Variants in NOL4 observed in about 807,000 individuals in gnomAD.
NOL4 encodes cancer/testis antigen 125.
A neutral mutation model predicts 75.9 loss-of-function variants in NOL4; 17 were observed. That is an observed-to-expected ratio of 0.22 (90% confidence interval 0.15 to 0.34). NOL4 has a LOEUF of 0.34. Among genes scored for constraint, NOL4 ranks in the 10% least tolerant of loss-of-function variants. The pLI is 1.00. For missense variants in NOL4, 614 were observed against 793.5 expected, an observed-to-expected ratio of 0.77 and a Z score of 2.72; for synonymous variants, 292 against 289.9, an observed-to-expected ratio of 1.01 and a Z score of -0.07.
intron 6 of NOL4, among the ~76,000 whole-genome samples, chr18:33,970,220 T>C (rs916768788): frequency 1.3e-5 from 2 of 152,228 alleles, no homozygotes; most frequent in African/African-American, 4.8e-5. Context: ...GAGTTCTTAA[T>C]ATATTTATCC....
At chr18:34,036,222 A>T (rs1333054899) in intron 5 of NOL4, among the ~76,000 whole-genome samples, 9 of 152,168 alleles carry the variant, frequency 5.9e-5, no homozygotes, top group Non-Finnish European at 1.3e-4. Flanking sequence ...AAAAATCCCC[A>T]GCAAAATACT....
chr18:34,191,803 C>T (rs74449922), intron 1 of NOL4, among the ~76,000 whole-genome samples: 5 of 152,160 alleles, frequency 3.3e-5, no homozygotes, highest in South Asian at 2.1e-4. Flanking sequence ...AAGCCGACTA[C>T]GCCAGCAGAG....
At chr18:34,047,134 C>T (rs1180356450) in intron 5 of NOL4, among the ~76,000 whole-genome samples, 1 of 152,104 alleles carries the variant, frequency 6.6e-6, no homozygotes, top group Non-Finnish European at 1.5e-5. Flanking sequence ...ACCTGTTCAA[C>T]TCTAGGACCA....
intron 6 of NOL4, among the ~76,000 whole-genome samples, chr18:33,966,507 T>C (rs2070608011): frequency 6.6e-6 from 1 of 152,112 alleles, no homozygotes; most frequent in African/African-American, 2.4e-5. Flanking sequence ...TCAAATCATC[T>C]CTCTTTGCAG....
intron 6 of NOL4, among the ~76,000 whole-genome samples, chr18:33,973,367 C>T (rs1235307872): frequency 6.6e-6 from 1 of 152,146 alleles, no homozygotes; most frequent in African/African-American, 2.4e-5. Context: ...ATGACTTCCT[C>T]TACTGAAGGC....
intron 9 of NOL4, among the ~76,000 whole-genome samples, chr18:33,889,393 A>G (rs2064962948): frequency 6.6e-6 from 1 of 152,058 alleles, no homozygotes; most frequent in South Asian, 2.1e-4. Context: ...CTACCAACCA[A>G]AAAAAGTCCT....
At chr18:33,974,854 G>C (rs1171967913) in intron 6 of NOL4, among the ~76,000 whole-genome samples, 1 of 152,100 alleles carries the variant, frequency 6.6e-6, no homozygotes, top group Non-Finnish European at 1.5e-5. Flanking sequence ...GATCTCAAAA[G>C]ATATTTGCAT....
chr18:34,193,678 T>G (rs755255035), intron 1 of NOL4, among the ~76,000 whole-genome samples: 15 of 151,912 alleles, frequency 9.9e-5, no homozygotes, highest in African/African-American at 2.7e-4. Flanking sequence ...ATATGGAGGA[T>G]CCTCAAAAAA....
intron 4 of NOL4, among the ~76,000 whole-genome samples, chr18:34,094,003 C>T (rs1442145544): frequency 6.6e-6 from 1 of 152,098 alleles, no homozygotes; most frequent in Non-Finnish European, 1.5e-5. Flanking sequence ...GATCAAGCCA[C>T]TGCACTCCAG....
At chr18:34,182,976 T>C (rs1047201199) in intron 1 of NOL4, among the ~76,000 whole-genome samples, 1 of 151,756 alleles carries the variant, frequency 6.6e-6, no homozygotes, top group African/African-American at 2.4e-5. Context: ...TAGAATAATA[T>C]CTGTTTACCC....
chr18:34,092,028 A>G (rs1014237571), intron 5 of NOL4, among the ~76,000 whole-genome samples: 2 of 151,858 alleles, frequency 1.3e-5, no homozygotes, highest in African/African-American at 4.8e-5. Context: ...CATCCTCTAC[A>G]TTCTCTATAC....
intron 5 of NOL4, among the ~76,000 whole-genome samples, chr18:34,031,256 T>C (rs2075626483): frequency 6.6e-6 from 1 of 152,214 alleles, no homozygotes; most frequent in Non-Finnish European, 1.5e-5. Flanking sequence ...CCTACTGCAG[T>C]GCTTCTCAAA....
At chr18:33,917,729 C>T (rs1358030803) in intron 9 of NOL4, among the ~76,000 whole-genome samples, 1 of 151,954 alleles carries the variant, frequency 6.6e-6, no homozygotes, top group East Asian at 1.9e-4. Context: ...GCCTCAAACT[C>T]CTAGGTTTCT....
At chr18:33,933,052 C>G (rs2067808190) in intron 9 of NOL4, among the ~76,000 whole-genome samples, 1 of 152,022 alleles carries the variant, frequency 6.6e-6, no homozygotes, top group African/African-American at 2.4e-5. Context: ...CCAGACATAC[C>G]TCAGAGATAC....
chr18:34,112,996 G>T (rs558136273), intron 2 of NOL4, among the ~76,000 whole-genome samples: 1 of 152,188 alleles, frequency 6.6e-6, no homozygotes, highest in South Asian at 2.1e-4. Flanking sequence ...CTCAAGACAG[G>T]GTCACAGGGT....
At chr18:34,218,150 G>C (rs948799876) in intron 1 of NOL4, among the ~76,000 whole-genome samples, 1 of 150,156 alleles carries the variant, frequency 6.7e-6, no homozygotes, top group Non-Finnish European at 1.5e-5. Context: ...AAACACAACA[G>C]CTATTAGGAA....
intron 6 of NOL4, among the ~76,000 whole-genome samples, chr18:34,001,341 G>A (rs955306115): frequency 1.3e-5 from 2 of 152,178 alleles, no homozygotes; most frequent in East Asian, 3.9e-4. Flanking sequence ...GTTCTACTAC[G>A]CAATTCCAAA....
intron 4 of NOL4, among the ~76,000 whole-genome samples, chr18:34,098,385 G>A (rs1055730293): frequency 3.9e-5 from 6 of 152,130 alleles, no homozygotes; most frequent in African/African-American, 1.4e-4. Context: ...CACATGGAGA[G>A]TGAGAGGTCA....
At chr18:33,899,468 T>A (rs1009163698) in intron 9 of NOL4, among the ~76,000 whole-genome samples, 2 of 152,140 alleles carry the variant, frequency 1.3e-5, no homozygotes, top group Admixed American at 1.3e-4. Context: ...GACTCACAAT[T>A]TGGGGAAGCC....
Sources: allele counts gnomAD v4.1 joint callset (sites outside exome capture counted in the v4.1 genomes callset), GRCh38; gene constraint gnomAD v4.1.1; transcripts MANE v1.5; gene names NCBI Gene and HGNC (gene_info 2026-07-23, HGNC 2026-07-21).